The following TSPEAR variants were observed in gnomAD, a reference collection of about 807,000 sequenced individuals.
TSPEAR encodes the protein thrombospondin-type laminin G domain and EAR repeat-containing protein.
TSPEAR carries 69 observed loss-of-function variants against 71.6 expected under a neutral mutation model. The observed-to-expected ratio is 0.96, with a 90% CI of 0.79 to 1.18. TSPEAR has a LOEUF of 1.18. TSPEAR is among the 50% of genes most tolerant of loss of function. The probability of loss-of-function intolerance (pLI) is 0.00; values close to 1 mark genes in which losing one functional copy is unlikely to be tolerated. For synonymous variants in TSPEAR, 402 were observed against 387.2 expected, an observed-to-expected ratio of 1.04 and a Z score of -0.45; for missense variants, 971 against 894.9, an observed-to-expected ratio of 1.09 and a Z score of -1.09.
intron 1 of TSPEAR, among the ~76,000 whole-genome samples, chr21:44,689,548 A>T (rs1178053912): frequency 6.6e-6 from 1 of 151,112 alleles, no homozygotes; most frequent in East Asian, 2.0e-4. Context: ...ATTCAGGAAG[A>T]TGTTACATCT....
intron 11 of TSPEAR, among the ~76,000 whole-genome samples, chr21:44,503,869 C>A (rs2052115317): frequency 7.8e-6 from 1 of 128,314 alleles, no homozygotes; most frequent in Non-Finnish European, 1.6e-5. Flanking sequence ...GGGAAGCCGG[C>A]CTTGGTGAGC....
At chr21:44,708,645 A>G (rs2052436813) in intron 1 of TSPEAR, among the ~76,000 whole-genome samples, 1 of 152,192 alleles carries the variant, frequency 6.6e-6, no homozygotes, top group Non-Finnish European at 1.5e-5. Context: ...CCAGGCCCAG[A>G]GACCTGACCA....
At chr21:44,533,606 C>T (rs983137631) in intron 3 of TSPEAR, 79 bp downstream of exon 3, 25 of 1,238,232 alleles carry the variant, frequency 2.0e-5, no homozygotes, top group Admixed American at 7.9e-5. Context: ...AGGTGTTGCT[C>T]GGCGAGCACG....
intron 1 of TSPEAR, chr21:44,591,448 C>A: frequency 6.2e-7 from 1 of 1,613,852 alleles, no homozygotes; most frequent in Non-Finnish European, 8.5e-7. Flanking sequence ...GCACATGGGG[C>A]GGCAGAGGAG....
intron 1 of TSPEAR, chr21:44,678,096 G>A (rs143569223): frequency 4.7e-5 from 30 of 645,090 alleles, no homozygotes; most frequent in Non-Finnish European, 6.0e-5. Context: ...TCTGTCGAGC[G>A]GACGGTGCTG....
chr21:44,627,507 C>T lies in TSPEAR; in HGVS notation c.83-59502G>A, dbSNP rs369551214. ...GCTGCAAGCCTGTGTGCTGCGTGCCCGTCTGCTGTGGGGCTTCTTCGTGCT... is the reference window on the plus strand; with the variant it reads ...GCTGCAAGCCTGTGTGCTGCGTGCCTGTCTGCTGTGGGGCTTCTTCGTGCT... On this transcript the variant is annotated intron_variant, in intron 1 of 11. Transcript: ENST00000323084. The T allele has an allele frequency of 1.3e-4, 193 of 1,537,304 alleles. No individual in the cohort carries two copies. In the Middle Eastern group the frequency reaches 2.6e-3, roughly 21 times the overall value.
Position 44,506,347 on chromosome 21 carries a change from C to T in TSPEAR, c.1755-1466G>A, listed in dbSNP as rs781919245. 5.9e-5 allele frequency among the ~76,000 whole-genome samples: 9 copies of T among 152,384 alleles called. No homozygotes were observed. The highest frequency in any genetic ancestry group is 1.2e-4 in the Non-Finnish European group (8 of 68,038). On this transcript the variant is annotated intron_variant, in intron 10 of 11. Transcript: ENST00000323084. The surrounding 1 kb of genome is among the most constrained non-coding windows in gnomAD (Gnocchi z 4.2). ...AATGGAGGTCGAAGCCATGCACACGCAGGCGTCCTGCTGACATGCAGGCCA... is the reference window on the plus strand; with the variant it reads ...AATGGAGGTCGAAGCCATGCACACGTAGGCGTCCTGCTGACATGCAGGCCA...
chr21:44,598,852 C>T (rs1980549034), intron 1 of TSPEAR, among the ~76,000 whole-genome samples: 1 of 152,164 alleles, frequency 6.6e-6, no homozygotes, highest in African/African-American at 2.4e-5. Flanking sequence ...TAGAGTAGGT[C>T]TGCTCGTGTT....
chr21:44,638,261 C>T (rs1343603048), intron 1 of TSPEAR: 1 of 1,512,794 alleles, frequency 6.6e-7, no homozygotes, highest in Non-Finnish European at 8.9e-7. Context: ...GGCTTTGACA[C>T]CCTCAGAAGG....
intron 1 of TSPEAR, among the ~76,000 whole-genome samples, chr21:44,641,022 T>C (rs1395183650): frequency 6.6e-6 from 1 of 152,124 alleles, no homozygotes; most frequent in Non-Finnish European, 1.5e-5. Flanking sequence ...GGAGCCCCCA[T>C]GTCCAATCAG....
At chr21:44,537,202 C>A (rs1427206081) in intron 2 of TSPEAR, among the ~76,000 whole-genome samples, 1 of 151,510 alleles carries the variant, frequency 6.6e-6, no homozygotes, top group African/African-American at 2.4e-5. Context: ...CTAGAACCAA[C>A]GTTTTTAGAA....
At chr21:44,703,723 A>C (rs2146333239) in intron 1 of TSPEAR, among the ~76,000 whole-genome samples, 1 of 152,304 alleles carries the variant, frequency 6.6e-6, no homozygotes, top group African/African-American at 2.4e-5. Flanking sequence ...TACATGACCT[A>C]GGGATCCCAC....
At chr21:44,531,834 G>A (rs782511342) in intron 3 of TSPEAR, among the ~76,000 whole-genome samples, 40 of 152,250 alleles carry the variant, frequency 2.6e-4, no homozygotes, top group Non-Finnish European at 5.3e-4. Flanking sequence ...GTGCGTGGAG[G>A]CTGAACTCCG....
chr21:44,622,578 G>A (rs145735507), intron 1 of TSPEAR, among the ~76,000 whole-genome samples: 18 of 152,264 alleles, frequency 1.2e-4, no homozygotes, highest in African/African-American at 2.2e-4. Context: ...AAACCTTGGC[G>A]TCCCTTGGCT....
chr21:44,629,521 C>T (rs587726225), intron 1 of TSPEAR, among the ~76,000 whole-genome samples: 14 of 152,342 alleles, frequency 9.2e-5, no homozygotes, highest in South Asian at 2.1e-4. Context: ...TAACTTAGGA[C>T]TTCAACATGT....
At chr21:44,619,648 A>C (rs1555933185) in intron 1 of TSPEAR, among the ~76,000 whole-genome samples, 1 of 152,264 alleles carries the variant, frequency 6.6e-6, no homozygotes, top group Non-Finnish European at 1.5e-5. Context: ...AGAGAATATC[A>C]ATAAAGAGAT....
chr21:44,658,112 T>C, intron 1 of TSPEAR: 2 of 1,613,818 alleles, frequency 1.2e-6, no homozygotes, highest in Non-Finnish European at 1.7e-6. Flanking sequence ...GCGCATTGTG[T>C]GCGTGGCTCC....
At chr21:44,658,920 C>G (rs1985330981) in intron 1 of TSPEAR, among the ~76,000 whole-genome samples, 1 of 152,106 alleles carries the variant, frequency 6.6e-6, no homozygotes, top group African/African-American at 2.4e-5. Context: ...GTCCTGGGCC[C>G]CAGATCCCAT....
At chr21:44,602,631 A>G (rs1555929142) in intron 1 of TSPEAR, among the ~76,000 whole-genome samples, 2 of 152,206 alleles carry the variant, frequency 1.3e-5, no homozygotes, top group African/African-American at 2.4e-5. Context: ...GAACACCCAC[A>G]TCCCTGCTGG....
Sources: allele counts gnomAD v4.1 joint callset (sites outside exome capture counted in the v4.1 genomes callset), GRCh38; gene constraint gnomAD v4.1.1; non-coding constraint Gnocchi (gnomAD v3.1); transcripts MANE v1.5; gene names NCBI Gene and HGNC (gene_info 2026-07-23, HGNC 2026-07-21).